DNAH6: variants seen among roughly 807,000 people sequenced by gnomAD.
DNAH6 encodes the protein dynein axonemal heavy chain 6.
DNAH6 carries 340 observed loss-of-function variants against 491.4 expected under a neutral mutation model. The ratio of observed to expected loss-of-function variants is 0.69; its 90% CI spans 0.63 to 0.76. The LOEUF is 0.76. Ranked by LOEUF, DNAH6 falls within the 30% of genes least tolerant of loss-of-function variation. The pLI, the probability that DNAH6 is intolerant of heterozygous loss-of-function variation, is 0.00. For missense variants in DNAH6, 4,443 were observed against 4,972.2 expected (o/e 0.89, Z 3.20); for synonymous variants, 1,603 against 1,686.1 (o/e 0.95, Z 1.21).
At chr2:84,460,699 T>G in the DNAH6 span, among the ~76,000 whole-genome samples, 1 of 72,780 alleles carries the variant, frequency 1.4e-5, no homozygotes, top group Non-Finnish European at 3.9e-5. Flanking sequence ...ATAGATTATT[T>G]TTTGGATCCA....
chr2:84,528,281 A>G (rs1676791750), intron 3 of DNAH6, among the ~76,000 whole-genome samples: 1 of 152,216 alleles, frequency 6.6e-6, no homozygotes, highest in African/African-American at 2.4e-5. Flanking sequence ...GTACTGAATC[A>G]AAATTTGCAT....
At chr2:84,604,171 T>C (rs755651576) in intron 18 of DNAH6, among the ~76,000 whole-genome samples, 168 bp from the exon 19 acceptor site, 1 of 152,232 alleles carries the variant, frequency 6.6e-6, no homozygotes, top group East Asian at 1.9e-4. Flanking sequence ...GGTTTTCTAA[T>C]AGGCTCAATT....
the DNAH6 span, chr2:84,460,187 G>A: frequency 6.6e-6 from 1 of 152,198 alleles, no homozygotes; most frequent in Non-Finnish European, 1.5e-5. Flanking sequence ...ATTTACTTAG[G>A]TAGTCATTAT....
At chr2:84,654,273 G>A (rs1336890251) in intron 34 of DNAH6, among the ~76,000 whole-genome samples, 1 of 152,134 alleles carries the variant, frequency 6.6e-6, no homozygotes, top group Non-Finnish European at 1.5e-5. Flanking sequence ...ACCAAGTACA[G>A]CTACCAACAT....
At chr2:84,583,582 C>A (rs1683250460) in intron 14 of DNAH6, among the ~76,000 whole-genome samples, 1 of 152,320 alleles carries the variant, frequency 6.6e-6, no homozygotes, top group Non-Finnish European at 1.5e-5. Flanking sequence ...CCACCCAAAT[C>A]TCACCTTGAA....
chr2:84,486,620 C>G, the DNAH6 span, among the ~76,000 whole-genome samples: 278 of 152,306 alleles, frequency 1.8e-3, no homozygotes, highest in African/African-American at 6.5e-3. Flanking sequence ...TGATAAGCAG[C>G]TGAATTATTT....
chr2:84,807,875 C>T lies in DNAH6; in HGVS notation c.11612-540C>T, dbSNP rs182903029. 1.4e-4 allele frequency among the ~76,000 whole-genome samples: 21 copies of T among 152,286 alleles called. No homozygotes were observed. In the East Asian group the frequency reaches 3.3e-3, roughly 24 times the overall value. On this transcript the variant is annotated intron_variant, in intron 71 of 76. Coordinates refer to ENST00000389394, the MANE Select transcript of DNAH6 (RefSeq NM_001370.2). ...ATTACATCCTCTTCCCTCTCAACCC[C>T]TCACCTCCTCCCCACAGTCAACCAG...
chr2:84,541,642 A>C (rs1678254454), intron 4 of DNAH6, among the ~76,000 whole-genome samples: 1 of 152,202 alleles, frequency 6.6e-6, no homozygotes, highest in Non-Finnish European at 1.5e-5. Flanking sequence ...AAAACTAGGG[A>C]GAGTTAGAGA....
At chr2:84,572,901 A>G (rs572727213) in intron 11 of DNAH6, among the ~76,000 whole-genome samples, 3 of 152,352 alleles carry the variant, frequency 2.0e-5, no homozygotes, top group Admixed American at 6.5e-5. Context: ...GTGATTGGAA[A>G]TCGTTGTCTT....
chr2:84,704,049 T>G lies in DNAH6; in HGVS notation c.8230-18T>G. 2 of 1,539,868 alleles carry G rather than the reference T, an allele frequency of 1.3e-6. No individual in the cohort carries two copies. Among genetic ancestry groups the G allele is most frequent in the Non-Finnish European group, 8.8e-7 (1 of 1,137,474 alleles). On this transcript the variant is annotated intron_variant, in intron 50 of 76. Coordinates refer to ENST00000389394, the MANE Select transcript of DNAH6 (RefSeq NM_001370.2). Reference sequence around the variant, plus strand: ...TCAAATAATGAGGCCACTTAAGCAGTCATGTTTCAATGGTTAGGTCCGTAA... The same window carrying G: ...TCAAATAATGAGGCCACTTAAGCAGGCATGTTTCAATGGTTAGGTCCGTAA...
intron 29 of DNAH6, among the ~76,000 whole-genome samples, chr2:84,625,548 T>TTG (rs1687779198): frequency 6.6e-6 from 1 of 152,214 alleles, no homozygotes; most frequent in Non-Finnish European, 1.5e-5. Flanking sequence ...CAAAGAGCTT[T>TTG]TGTTCATATG....
intron 11 of DNAH6, among the ~76,000 whole-genome samples, chr2:84,573,050 T>G (rs142352914): frequency 2.0e-5 from 3 of 152,314 alleles, no homozygotes; most frequent in Admixed American, 1.3e-4. Context: ...ATAGTAAGAT[T>G]AAGCAAGTGA....
At chr2:84,492,295 T>G in the DNAH6 span, among the ~76,000 whole-genome samples, 1 of 152,170 alleles carries the variant, frequency 6.6e-6, no homozygotes, top group East Asian at 1.9e-4. Context: ...ACCTTCTGTT[T>G]TACTCATTCC....
At chr2:84,463,990 C>A in the DNAH6 span, among the ~76,000 whole-genome samples, 1 of 152,114 alleles carries the variant, frequency 6.6e-6, no homozygotes, top group Non-Finnish European at 1.5e-5. Context: ...TTGTGACCCC[C>A]CATTCTACCA....
chr2:84,623,872 A>C (rs142152343), intron 26 of DNAH6, among the ~76,000 whole-genome samples: 36 of 152,340 alleles, frequency 2.4e-4, no homozygotes, highest in African/African-American at 8.7e-4. Context: ...CTAAAACTGA[A>C]GAGTATCACC....
chr2:84,681,061 G>T (rs1250095899), intron 41 of DNAH6, among the ~76,000 whole-genome samples: 1 of 152,108 alleles, frequency 6.6e-6, no homozygotes, highest in Non-Finnish European at 1.5e-5. Flanking sequence ...TGCCCTTCGT[G>T]ATGACCCCTT....
At chr2:84,646,568 T>C (rs1341853946) in intron 33 of DNAH6, among the ~76,000 whole-genome samples, 3 of 152,218 alleles carry the variant, frequency 2.0e-5, no homozygotes, top group Non-Finnish European at 4.4e-5. Flanking sequence ...CTCCAGTGAA[T>C]ACATGAATGG....
At chr2:84,581,536 T>A (rs564278189) in intron 14 of DNAH6, among the ~76,000 whole-genome samples, 2 of 152,284 alleles carry the variant, frequency 1.3e-5, no homozygotes, top group African/African-American at 4.8e-5. Context: ...TTCCTGCCTA[T>A]GGGTTACAGA....
chr2:84,776,092 G>A (rs549897433), intron 64 of DNAH6, among the ~76,000 whole-genome samples: 1 of 152,172 alleles, frequency 6.6e-6, no homozygotes, highest in Non-Finnish European at 1.5e-5. Flanking sequence ...GTACACTATT[G>A]ACATATATAG....
Sources: gnomAD v4.1 joint callset for allele counts (sites outside exome capture counted in the v4.1 genomes callset) on GRCh38, gnomAD v4.1.1 for gene constraint, MANE v1.5 for transcripts, NCBI Gene and HGNC (gene_info 2026-07-23, HGNC 2026-07-21) for gene names.